Variants in RAB28 observed in about 807,000 individuals in gnomAD.
RAB28 encodes RAB28, member RAS oncogene family.
Under a neutral mutation model 31.7 loss-of-function variants are expected in RAB28, and 24 were observed. The observed-to-expected ratio is 0.76, with a 90% confidence interval of 0.55 to 1.06. RAB28 has a LOEUF of 1.06. Among genes scored for constraint, RAB28 ranks in the 50% least tolerant of loss-of-function variants. The pLI, the probability that RAB28 is intolerant of heterozygous loss-of-function variation, is 0.00. For synonymous variants in RAB28, 100 were observed against 90.4 expected (o/e 1.11, Z -0.60); for missense variants, 254 against 258.5 (o/e 0.98, Z 0.12).
intron 4 of RAB28, among the ~76,000 whole-genome samples, chr4:13,433,786 A>G (rs1177014176): frequency 2.6e-5 from 4 of 152,174 alleles, no homozygotes; most frequent in African/African-American, 9.7e-5. Flanking sequence ...CTACCATTAG[A>G]CCCAGCAATC....
intron 4 of RAB28, among the ~76,000 whole-genome samples, chr4:13,414,095 AC>A (rs1712611187): frequency 2.0e-5 from 3 of 152,272 alleles, no homozygotes; most frequent in African/African-American, 7.2e-5. Context: ...CCTCCAAATG[AC>A]AAGCCACGCA....
chr4:13,442,737 T>C (rs184369506), intron 4 of RAB28, among the ~76,000 whole-genome samples: 1 of 152,290 alleles, frequency 6.6e-6, no homozygotes, highest in Admixed American at 6.5e-5. Context: ...AGCACTATTA[T>C]ATAACAGATA....
chr4:13,424,928 TG>T (rs1254572026), intron 4 of RAB28, among the ~76,000 whole-genome samples: 5 of 152,308 alleles, frequency 3.3e-5, no homozygotes, highest in African/African-American at 9.6e-5. Context: ...TAAAAACTCT[TG>T]ACCCCCACCT....
At chr4:13,420,294 C>A (rs772367769) in intron 4 of RAB28, among the ~76,000 whole-genome samples, 4 of 152,120 alleles carry the variant, frequency 2.6e-5, no homozygotes, top group Non-Finnish European at 4.4e-5. Context: ...AAGGCCAGGA[C>A]CAGACGGATT....
chr4:13,367,774 A>G lies in RAB28; in HGVS notation c.*784T>C, dbSNP rs1239608956. 7.9e-5 allele frequency: 78 copies of G among 985,106 alleles called. No individual in the cohort carries two copies. The highest frequency in any genetic ancestry group is 8.6e-5 in the Non-Finnish European group (71 of 829,756). The allele number at this position is 985,106 out of a possible 1,614,324, so 61.0% of individuals were successfully genotyped here. A position where few individuals can be genotyped will look rare whatever the true frequency, so the allele number is the denominator to read the frequency against. The stretch of plus-strand genomic sequence containing the variant: ...AGAAAAACATCTGAACATCAGGTAC[A>G]GTCTGATCCACAATGTCATAACTCA... On this transcript the variant is annotated 3_prime_UTR_variant, in exon 7 of 7. Transcript: ENST00000330852.
chr4:13,420,452 C>A, intron 4 of RAB28, among the ~76,000 whole-genome samples: 1 of 152,126 alleles, frequency 6.6e-6, no homozygotes, highest in Non-Finnish European at 1.5e-5. Flanking sequence ...GAGACACACA[C>A]AAAAAAGACA....
intron 4 of RAB28, among the ~76,000 whole-genome samples, chr4:13,448,817 T>G (rs1272899453): frequency 2.6e-5 from 4 of 152,002 alleles, no homozygotes; most frequent in Non-Finnish European, 5.9e-5. Context: ...TACTTTCTCT[T>G]TCAATATATA....
chr4:13,426,258 G>A (rs557511226), intron 4 of RAB28, among the ~76,000 whole-genome samples: 2 of 152,208 alleles, frequency 1.3e-5, no homozygotes, highest in Admixed American at 1.3e-4. Flanking sequence ...AGGGCAAAAA[G>A]AAATTCATCC....
At chr4:13,402,257 C>T (rs1230393181) in intron 4 of RAB28, among the ~76,000 whole-genome samples, 1 of 152,106 alleles carries the variant, frequency 6.6e-6, no homozygotes, top group Non-Finnish European at 1.5e-5. Context: ...TCTAGCTGAC[C>T]GATGTTGTTC....
chr4:13,479,387 A>AT, intron 2 of RAB28, 43 bp downstream of exon 2: 2 of 1,431,482 alleles, frequency 1.4e-6, no homozygotes, highest in East Asian at 2.3e-5. Context: ...TATTGTTAAG[A>AT]TTTTTTTATA....
intron 3 of RAB28, among the ~76,000 whole-genome samples, chr4:13,465,978 T>C (rs969922784): frequency 6.6e-5 from 10 of 152,020 alleles, no homozygotes; most frequent in Admixed American, 2.0e-4. Context: ...GGAAAAAGGA[T>C]AGCCTCTTCA....
At chr4:13,418,975 G>C (rs1322405069) in intron 4 of RAB28, among the ~76,000 whole-genome samples, 1 of 152,104 alleles carries the variant, frequency 6.6e-6, no homozygotes, top group Non-Finnish European at 1.5e-5. Context: ...ATAGAGTCAA[G>C]ACCCATCAGT....
intron 2 of RAB28, among the ~76,000 whole-genome samples, chr4:13,478,805 G>A (rs922047375): frequency 4.6e-5 from 7 of 151,568 alleles, no homozygotes; most frequent in East Asian, 1.9e-4. Flanking sequence ...TTATTTCCCC[G>A]TATTTCCCAC....
chr4:13,381,783 AC>A (rs1729141782), intron 4 of RAB28, among the ~76,000 whole-genome samples, 189 bp from the exon 5 acceptor site: 1 of 152,092 alleles, frequency 6.6e-6, no homozygotes, highest in East Asian at 1.9e-4. Flanking sequence ...TAATAAATAT[AC>A]CTATTTTGTA....
chr4:13,447,786 GATCTTAATA>G (rs1227541596), intron 4 of RAB28, among the ~76,000 whole-genome samples: 2 of 151,952 alleles, frequency 1.3e-5, no homozygotes, highest in Non-Finnish European at 2.9e-5. Context: ...ATGCAAACAG[GATCTTAATA>G]ATCTAACAAT....
At chr4:13,433,473 C>T (rs952128400) in intron 4 of RAB28, among the ~76,000 whole-genome samples, 3 of 151,868 alleles carry the variant, frequency 2.0e-5, no homozygotes, top group East Asian at 1.9e-4. Flanking sequence ...AACAAACAAA[C>T]GAAAACACCC....
chr4:13,453,987 T>C (rs990796598), intron 4 of RAB28, among the ~76,000 whole-genome samples: 1 of 152,186 alleles, frequency 6.6e-6, no homozygotes, highest in Non-Finnish European at 1.5e-5. Context: ...AATAATCCTA[T>C]ATTTTTTGCC....
At position 13,469,918 on chromosome 4, in the gene RAB28, T is replaced by G. The variant is rs554872807; in HGVS notation, c.261+4400A>C. On this transcript the variant is annotated intron_variant, in intron 3 of 6. Coordinates refer to ENST00000330852, the MANE Select transcript of RAB28 (RefSeq NM_001017979.3). ...GTTGCTGAGGCTGGTCTCATGCTCC[T>G]AACTTCAAGCAATTGGCCTACCTTG... 2.0e-5 allele frequency among the ~76,000 whole-genome samples: 3 copies of G among 152,162 alleles called. No individual in the cohort carries two copies. In the East Asian group the frequency reaches 5.8e-4, roughly 29 times the overall value.
chr4:13,420,473 A>G lies in RAB28; in HGVS notation c.392-38879T>C, dbSNP rs1327282883. Reference sequence around the variant, plus strand: ...CACACAAAAAAGACAATTTTAGACCAATATCCCTGATGAACATCCACGTGA... The same window carrying G: ...CACACAAAAAAGACAATTTTAGACCGATATCCCTGATGAACATCCACGTGA... On this transcript the variant is annotated intron_variant, in intron 4 of 6. Coordinates refer to ENST00000330852, the MANE Select transcript of RAB28 (RefSeq NM_001017979.3). 2.6e-5 allele frequency among the ~76,000 whole-genome samples: 4 copies of G among 152,346 alleles called. No homozygotes were observed. In the East Asian group the frequency reaches 7.7e-4, roughly 29 times the overall value.
Sources: allele counts gnomAD v4.1 joint callset (sites outside exome capture counted in the v4.1 genomes callset), GRCh38; gene constraint gnomAD v4.1.1; transcripts MANE v1.5; gene names NCBI Gene and HGNC (gene_info 2026-07-23, HGNC 2026-07-21).